The following SCAP variants were observed in gnomAD, a reference collection of about 807,000 sequenced individuals.
The protein encoded by SCAP is sterol regulatory element-binding protein cleavage-activating protein.
A neutral mutation model predicts 123.6 loss-of-function variants in SCAP; 65 were observed. The observed-to-expected ratio is 0.53, with a 90% CI of 0.43 to 0.65. The LOEUF (loss-of-function observed/expected upper bound fraction) is 0.65. Ranked by LOEUF, SCAP falls within the 30% of genes least tolerant of loss-of-function variation. The pLI, the probability that SCAP is intolerant of heterozygous loss-of-function variation, is 0.00. For synonymous variants in SCAP, 740 were observed against 726.3 expected (o/e 1.02, Z -0.30); for missense variants, 1,398 against 1,712.5 (o/e 0.82, Z 3.24).
intron 3 of SCAP, among the ~76,000 whole-genome samples, chr3:47,431,091 C>T (rs188873722): frequency 1.3e-5 from 2 of 151,766 alleles, no homozygotes; most frequent in East Asian, 2.0e-4. Flanking sequence ...TTCTGTATCA[C>T]GCTCAGCCAC....
chr3:47,417,033 T>C (rs1316428698), intron 18 of SCAP, 89 bp downstream of exon 18: 5 of 1,170,524 alleles, frequency 4.3e-6, no homozygotes, highest in East Asian at 2.4e-5. Flanking sequence ...AGTACAGCAG[T>C]TGAAGAGAAC....
chr3:47,449,070 C>G (rs975442439), intron 1 of SCAP, among the ~76,000 whole-genome samples: 15 of 152,172 alleles, frequency 9.9e-5, no homozygotes, highest in Non-Finnish European at 2.1e-4. Flanking sequence ...GTTTTCAAAG[C>G]CTTTTAAGTA....
chr3:47,434,997 C>T lies in SCAP; in HGVS notation c.252+11G>A, dbSNP rs763049838. 1.8e-5 allele frequency: 29 copies of T among 1,613,910 alleles called. No homozygotes were observed. The South Asian group carries it at 2.3e-4, about 13-fold the overall frequency. Reference sequence around the variant, plus strand: ...CTCTGTGCTGGCCTCAGGAACATGACGAGTACCCACCCACTCAGGCTGCTC... The same window carrying T: ...CTCTGTGCTGGCCTCAGGAACATGATGAGTACCCACCCACTCAGGCTGCTC... On this transcript the variant is annotated intron_variant, in intron 3 of 22. Transcript: ENST00000265565.
intron 1 of SCAP, among the ~76,000 whole-genome samples, chr3:47,473,812 G>A (rs991888712): frequency 6.6e-6 from 1 of 151,986 alleles, no homozygotes; most frequent in South Asian, 2.1e-4. Context: ...TTCCTGAATC[G>A]CATATGCCTC....
At chr3:47,434,216 G>A (rs537166284) in intron 3 of SCAP, among the ~76,000 whole-genome samples, 1 of 152,194 alleles carries the variant, frequency 6.6e-6, no homozygotes, top group Non-Finnish European at 1.5e-5. Flanking sequence ...CAGAGAGAAG[G>A]GGGAGGAGAG....
intron 1 of SCAP, among the ~76,000 whole-genome samples, chr3:47,468,683 G>T (rs1559572804): frequency 6.6e-6 from 1 of 152,162 alleles, no homozygotes; most frequent in Non-Finnish European, 1.5e-5. Context: ...TGTTCAGTCT[G>T]ATGGTAGTTT....
chr3:47,466,807 G>A (rs112915683), intron 1 of SCAP, among the ~76,000 whole-genome samples: 41 of 152,222 alleles, frequency 2.7e-4, no homozygotes, highest in African/African-American at 7.7e-4. Context: ...ACTTTTGGCC[G>A]GGCGTGGTGG....
chr3:47,440,145 T>G (rs1706739114), intron 2 of SCAP, among the ~76,000 whole-genome samples: 1 of 152,174 alleles, frequency 6.6e-6, no homozygotes, highest in Non-Finnish European at 1.5e-5. Context: ...CAGCAGTCCT[T>G]TGGGTTTGGC....
intron 1 of SCAP, among the ~76,000 whole-genome samples, chr3:47,455,217 G>T (rs887545565): frequency 2.6e-5 from 4 of 151,096 alleles, no homozygotes; most frequent in African/African-American, 9.7e-5. Flanking sequence ...TGATAATATT[G>T]ATTATAATAA....
At chr3:47,428,720 A>G (rs1243796539) in intron 3 of SCAP, 50 bp from the exon 4 acceptor site, 2 of 1,596,096 alleles carry the variant, frequency 1.3e-6, no homozygotes, top group Non-Finnish European at 1.7e-6. Flanking sequence ...CACAGGAAGA[A>G]GAAAGACGGT....
intron 1 of SCAP, among the ~76,000 whole-genome samples, chr3:47,474,195 G>C (rs2108044021): frequency 6.6e-6 from 1 of 151,802 alleles, no homozygotes; most frequent in African/African-American, 2.4e-5. Flanking sequence ...AACCCGGCAG[G>C]CGGAGGGTGC....
rs1216288304 is a variant in SCAP at position 47,428,589 on chromosome 3, C to A, written c.334G>T (p.Val112Leu). 1 of 1,614,092 alleles carries A rather than the reference C, an allele frequency of 6.2e-7. No homozygotes were observed. Among genetic ancestry groups the A allele is most frequent in the African/African-American group, 1.3e-5 (1 of 74,930 alleles). The change falls in exon 4 of 23, where the codon GTA becomes TTA. Residue 112 changes from valine to leucine, a missense_variant. Physicochemically the swap from Val to Leu is conservative, Grantham distance 32 (BLOSUM62 1). Transcript: ENST00000265565. ...VFPWHKNLLA[V>L]DVFRSPLSRA... ...GACAAAGGTGAACGAAATACATCTA[C>A]TGCCAGGAGGTTCTTGTGCCAGGGA... is the stretch of plus-strand genomic sequence containing the variant.
In SCAP at chr3:47,420,939, G is replaced by A. The variant is rs543331808; in HGVS notation, c.1336C>T (p.Arg446Trp). ...GCTCAGCCCACTCCTACCTCCATCC[G>A]GCGAATGTCAATGGACAGGACAGTG... ...FTTVLSIDIR[R>W]MELADLNKRL... Residue 446 changes from arginine to tryptophan, a missense_variant, in exon 11 of 23, where the codon CGG (arginine) becomes TGG (tryptophan). Around this residue, in one of 7 missense-constraint regions of SCAP, gnomAD observed 66 missense variants for 116.3 expected, o/e 0.57. Coordinates refer to ENST00000265565, the MANE Select transcript of SCAP (RefSeq NM_012235.4). The surrounding 1 kb of genome is among the most constrained non-coding windows in gnomAD (Gnocchi z 5.0). 1.9e-5 allele frequency: 30 copies of A among 1,613,654 alleles called. No individual in the cohort carries two copies. The highest frequency in any genetic ancestry group is 5.0e-5 in the Admixed American group (3 of 60,022).
Position 47,419,381 on chromosome 3 carries a change from G to A in SCAP, c.1887C>T (p.Ser629=). 1.9e-6 allele frequency: 3 copies of A among 1,612,692 alleles called. No homozygotes were observed. The highest frequency in any genetic ancestry group is 2.5e-6 in the Non-Finnish European group (3 of 1,179,634). The stretch of plus-strand genomic sequence containing the variant: ...TGAAGAGCGTCGGCCAGTGGCGGAA[G>A]GACAATTTCCTCCAAAGTTCCTCAT... ...PEDEELWRKL[S]FRHWPTLFSY... is the part of the protein sequence containing the mutation. The change falls in exon 13 of 23, where the codon TCC becomes TCT. Residue 629 remains serine, a synonymous_variant. Coordinates refer to ENST00000265565, the MANE Select transcript of SCAP (RefSeq NM_012235.4). The surrounding 1 kb of genome is among the most constrained non-coding windows in gnomAD (Gnocchi z 5.0).
chr3:47,474,327 T>G (rs1047464746), intron 1 of SCAP, among the ~76,000 whole-genome samples: 20 of 151,936 alleles, frequency 1.3e-4, no homozygotes, highest in Non-Finnish European at 2.8e-4. Context: ...CATAATAAAT[T>G]TAAAAAGCCT....
rs1051576212 is a variant in SCAP, at chr3:47,432,216, C to T, written c.252+2792G>A. Reference sequence around the variant, plus strand: ...CCTGTAGTCCCAGCTACTCGGGAGGCTGAGGCAGGGGAATCACTTGAACCC... The same window carrying T: ...CCTGTAGTCCCAGCTACTCGGGAGGTTGAGGCAGGGGAATCACTTGAACCC... On this transcript the variant is annotated intron_variant, in intron 3 of 22. Transcript: ENST00000265565. Among the ~76,000 whole-genome samples the T allele has an allele frequency of 2.6e-4, 38 of 148,938 alleles. 1 individual carries two copies. Among genetic ancestry groups the T allele is most frequent in the African/African-American group, 9.2e-4 (37 of 40,388 alleles).
At position 47,428,714 on chromosome 3, in the gene SCAP, GGAA is replaced by G. The variant is rs773582115; in HGVS notation, c.253-47_253-45del. Reference sequence around the variant, plus strand: ...AGGGCAGAAAGGGCAGCTGAGCACAGGAAGAAGAAAGACGGTCCAATTCAAGGG... The same window carrying G: ...AGGGCAGAAAGGGCAGCTGAGCACAGGAAGAAAGACGGTCCAATTCAAGGG... On this transcript the variant is annotated intron_variant, in intron 3 of 22. Coordinates refer to ENST00000265565, the MANE Select transcript of SCAP (RefSeq NM_012235.4). 1.4e-5 allele frequency: 23 copies of G among 1,603,426 alleles called. No homozygotes were observed. The South Asian group carries it at 1.8e-4, about 12-fold the overall frequency.
intron 7 of SCAP, 85 bp downstream of exon 7, chr3:47,425,912 C>T: frequency 1.4e-6 from 2 of 1,473,800 alleles, no homozygotes; most frequent in Non-Finnish European, 9.3e-7. Context: ...CTACCCCAAG[C>T]CACCTCCAGA....
At chr3:47,426,334 G>GA (rs1706129243) in intron 6 of SCAP, among the ~76,000 whole-genome samples, 165 bp from the exon 7 acceptor site, 1 of 152,212 alleles carries the variant, frequency 6.6e-6, no homozygotes, top group Admixed American at 6.5e-5. Flanking sequence ...GGGGCACTGG[G>GA]AAAATCACAA....
Sources: allele counts gnomAD v4.1 joint callset (sites outside exome capture counted in the v4.1 genomes callset), GRCh38; gene constraint gnomAD v4.1.1; regional missense constraint gnomAD v4.1.1; non-coding constraint Gnocchi (gnomAD v3.1); transcripts MANE v1.5; gene names NCBI Gene and HGNC (gene_info 2026-07-23, HGNC 2026-07-21).